Variants in DCP1B observed in about 807,000 individuals in gnomAD.
DCP1B encodes decapping mRNA 1B.
Under a neutral mutation model 60.5 loss-of-function variants are expected in DCP1B, and 47 were observed. That is an observed-to-expected ratio of 0.78 (90% confidence interval 0.61 to 0.99). The LOEUF (loss-of-function observed/expected upper bound fraction) is 0.99. Ranked by LOEUF, DCP1B falls within the 50% of genes least tolerant of loss-of-function variation. The pLI, the probability that DCP1B is intolerant of heterozygous loss-of-function variation, is 0.00. For missense variants in DCP1B, 725 were observed against 756.8 expected (o/e 0.96, Z 0.49); for synonymous variants, 267 against 280.3 (o/e 0.95, Z 0.47).
chr12:1,972,384 G>A (rs999751879), intron 3 of DCP1B, among the ~76,000 whole-genome samples: 1 of 152,160 alleles, frequency 6.6e-6, no homozygotes, highest in Non-Finnish European at 1.5e-5. Context: ...TCTAGATCAA[G>A]CTTTAATAAA....
intron 3 of DCP1B, among the ~76,000 whole-genome samples, chr12:1,975,094 G>A (rs2033903618): frequency 6.6e-6 from 1 of 152,126 alleles, no homozygotes; most frequent in Non-Finnish European, 1.5e-5. Context: ...AAGGAGCCTA[G>A]TGCTACTTCC....
At chr12:1,950,833 G>A (rs1038149400) in intron 7 of DCP1B, among the ~76,000 whole-genome samples, 1 of 152,084 alleles carries the variant, frequency 6.6e-6, no homozygotes, top group Non-Finnish European at 1.5e-5. Context: ...AAAAATTCTT[G>A]TAGAGACAGG....
At chr12:1,955,603 G>A (rs1488883749) in intron 5 of DCP1B, 43 bp from the exon 6 acceptor site, 2 of 1,571,094 alleles carry the variant, frequency 1.3e-6, no homozygotes, top group Non-Finnish European at 1.7e-6. Flanking sequence ...GCTTAGAAAA[G>A]CTTTAGTCTT....
chr12:1,985,290 C>T (rs1372815830), intron 3 of DCP1B, among the ~76,000 whole-genome samples: 1 of 152,124 alleles, frequency 6.6e-6, no homozygotes, highest in African/African-American at 2.4e-5. Flanking sequence ...AGGCCCTGTT[C>T]ATTTTTAAAA....
intron 2 of DCP1B, among the ~76,000 whole-genome samples, chr12:1,996,653 AAACAACAAAC>A (rs1565870534): frequency 1.1e-4 from 4 of 36,640 alleles, no homozygotes; most frequent in Admixed American, 2.7e-4. Context: ...AAAAAAAAAA[AAACAACAAAC>A]TCTTCTAATG....
chr12:1,997,880 G>A lies in DCP1B; in HGVS notation c.191+55C>T, dbSNP rs538542300. Reference sequence around the variant, plus strand: ...GCACTTGAAGAAGAGTGACACAACGGAGCTAAAATATTATTTTGAAGATTA... The same window carrying A: ...GCACTTGAAGAAGAGTGACACAACGAAGCTAAAATATTATTTTGAAGATTA... On this transcript the variant is annotated intron_variant, in intron 2 of 8. Transcript: ENST00000280665. 1.8e-4 allele frequency: 247 copies of A among 1,395,830 alleles called. No individual in the cohort carries two copies. The African/African-American group carries it at 3.3e-3, about 19-fold the overall frequency. 86.5% of individuals were successfully genotyped at this position (1,395,830 alleles called of 1,614,324 possible). A position where few individuals can be genotyped will look rare whatever the true frequency, so the allele number is the denominator to read the frequency against.
intron 2 of DCP1B, among the ~76,000 whole-genome samples, chr12:1,994,983 C>T (rs2040446741): frequency 6.8e-6 from 1 of 146,774 alleles, no homozygotes. Flanking sequence ...ATTCTAGGAT[C>T]TGGGAGGTTT....
intron 5 of DCP1B, among the ~76,000 whole-genome samples, chr12:1,956,236 AAC>A (rs1254560677): frequency 6.6e-6 from 1 of 152,214 alleles, no homozygotes. Context: ...TGCAATTGCT[AAC>A]ACAGTAGGAT....
chr12:1,952,659 G>A lies in DCP1B; in HGVS notation c.1281C>T (p.Ser427=). 2 of 1,614,136 alleles carry A rather than the reference G, an allele frequency of 1.2e-6. No homozygotes were observed. Among genetic ancestry groups the A allele is most frequent in the African/African-American group, 2.7e-5 (2 of 75,024 alleles). The change falls in exon 7 of 9, where the codon TCC becomes TCT. Residue 427 remains serine, a synonymous_variant. Transcript: ENST00000280665. ...VGHQAHGREQ[S]TLPRQTLPIS... ...TGGGGAGTGTTTGTCTTGGGAGTGT[G>A]GACTGTTCTCTTCCATGAGCCTGAT... is the stretch of plus-strand genomic sequence containing the variant.
chr12:2,003,765 CTCTT>C (rs1051300802), intron 1 of DCP1B, among the ~76,000 whole-genome samples: 2 of 152,178 alleles, frequency 1.3e-5, no homozygotes, highest in African/African-American at 4.8e-5. Flanking sequence ...ACGAGGTTGG[CTCTT>C]TTCTTGGTGT....
At chr12:1,982,058 G>C (rs2036304658) in intron 3 of DCP1B, among the ~76,000 whole-genome samples, 1 of 152,156 alleles carries the variant, frequency 6.6e-6, no homozygotes, top group Non-Finnish European at 1.5e-5. Flanking sequence ...TTCAGATTTT[G>C]AGAAGGAAAG....
chr12:2,003,630 C>G (rs2042688464), intron 1 of DCP1B, among the ~76,000 whole-genome samples: 1 of 152,182 alleles, frequency 6.6e-6, no homozygotes, highest in Non-Finnish European at 1.5e-5. Flanking sequence ...GAGAAGAGCA[C>G]TAAAATAATT....
At chr12:1,990,443 T>C (rs143914813) in intron 3 of DCP1B, among the ~76,000 whole-genome samples, 91 of 151,940 alleles carry the variant, frequency 6.0e-4, no homozygotes, top group African/African-American at 1.7e-3. Context: ...AGTTACTCTA[T>C]TTATCAAGCA....
At chr12:1,942,126 G>A (rs984950118), downstream of DCP1B, among the ~76,000 whole-genome samples, 5 of 152,270 alleles carry the variant, frequency 3.3e-5, no homozygotes, top group South Asian at 4.1e-4. Flanking sequence ...AAGAAAAAAA[G>A]CAGAAGTTGC....
intron 7 of DCP1B, among the ~76,000 whole-genome samples, chr12:1,952,111 T>A (rs2030693200): frequency 6.6e-6 from 1 of 152,226 alleles, no homozygotes; most frequent in Non-Finnish European, 1.5e-5. Flanking sequence ...GACACATTGG[T>A]CCCTAGAGCA....
At chr12:1,986,919 GC>G (rs1468892527) in intron 3 of DCP1B, among the ~76,000 whole-genome samples, 2 of 152,150 alleles carry the variant, frequency 1.3e-5, no homozygotes, top group Non-Finnish European at 2.9e-5. Context: ...TTTGGATGAT[GC>G]CAGAAGTTCA....
chr12:1,985,326 G>T (rs1008497359), intron 3 of DCP1B, among the ~76,000 whole-genome samples: 3 of 151,920 alleles, frequency 2.0e-5, no homozygotes, highest in African/African-American at 7.3e-5. Flanking sequence ...TATTCTTCAG[G>T]TTTGAAAATT....
intron 2 of DCP1B, among the ~76,000 whole-genome samples, chr12:1,997,502 T>C (rs2041223178): frequency 6.6e-6 from 1 of 152,144 alleles, no homozygotes. Flanking sequence ...ACTCCAGCCT[T>C]GGTGACAGAG....
rs2042896958 is a variant in DCP1B at position 2,004,263 on chromosome 12, C to T, written c.150+19G>A. 1 of 1,612,574 alleles carries T rather than the reference C, an allele frequency of 6.2e-7. No homozygotes were observed. Among genetic ancestry groups the T allele is most frequent in the Middle Eastern group, 1.7e-4 (1 of 6,058 alleles). On this transcript the variant is annotated intron_variant, in intron 1 of 8. Coordinates refer to ENST00000280665, the MANE Select transcript of DCP1B (RefSeq NM_152640.5). The stretch of plus-strand genomic sequence containing the variant: ...CACCCCAACCCTGGGCTGCACTGCT[C>T]CGCCGCGTCCGCACGCACCCACTCG...
Sources: allele counts gnomAD v4.1 joint callset (sites outside exome capture counted in the v4.1 genomes callset), GRCh38; gene constraint gnomAD v4.1.1; transcripts MANE v1.5; gene names NCBI Gene and HGNC (gene_info 2026-07-23, HGNC 2026-07-21).